FHIT: variants seen among roughly 807,000 people sequenced by gnomAD.
FHIT encodes bis(5'-adenosyl)-triphosphatase.
Under a neutral mutation model 17.9 loss-of-function variants are expected in FHIT, and 19 were observed. That is an observed-to-expected ratio of 1.06 (90% CI 0.74 to 1.56). FHIT has a LOEUF of 1.56. Ranked by LOEUF, FHIT falls within the 40% of genes most tolerant of loss-of-function variation. The probability of loss-of-function intolerance (pLI) is 0.00; values close to 1 mark genes in which losing one functional copy is unlikely to be tolerated. For synonymous variants in FHIT, 81 were observed against 69.7 expected, an observed-to-expected ratio of 1.16 and a Z score of -0.81; for missense variants, 248 against 189.2, an observed-to-expected ratio of 1.31 and a Z score of -1.82.
At chr3:60,845,370 T>G (rs1559766403) in intron 3 of FHIT, among the ~76,000 whole-genome samples, 1 of 151,904 alleles carries the variant, frequency 6.6e-6, no homozygotes, top group Non-Finnish European at 1.5e-5. Context: ...GGCTGCAGAC[T>G]TAATAGAACT....
chr3:60,467,839 C>T (rs1477644452), intron 5 of FHIT, among the ~76,000 whole-genome samples: 6 of 152,064 alleles, frequency 3.9e-5, no homozygotes, highest in Non-Finnish European at 7.4e-5. Flanking sequence ...TTGGTCTGTA[C>T]TGCAGATTAA....
At chr3:59,942,804 T>C (rs1393559193) in intron 7 of FHIT, among the ~76,000 whole-genome samples, 1 of 151,864 alleles carries the variant, frequency 6.6e-6, no homozygotes, top group East Asian at 1.9e-4. Flanking sequence ...ATGCACCACA[T>C]TGGCTAATAT....
intron 3 of FHIT, among the ~76,000 whole-genome samples, chr3:60,928,650 C>T (rs1553770741): frequency 6.6e-6 from 1 of 151,672 alleles, no homozygotes; most frequent in Non-Finnish European, 1.5e-5. Context: ...CATACACCCT[C>T]CCAAGACTAA....
intron 4 of FHIT, among the ~76,000 whole-genome samples, chr3:60,597,870 T>C (rs553986141): frequency 6.6e-6 from 1 of 152,152 alleles, no homozygotes; most frequent in Non-Finnish European, 1.5e-5. Context: ...GAGCCAGGAC[T>C]CTCTGTCTAG....
intron 5 of FHIT, among the ~76,000 whole-genome samples, chr3:60,156,429 G>A (rs773955982): frequency 2.0e-5 from 3 of 151,550 alleles, no homozygotes; most frequent in African/African-American, 4.8e-5. Context: ...GCTTTGCATC[G>A]GAGATACAAT....
chr3:60,238,466 T>C (rs909108769), intron 5 of FHIT, among the ~76,000 whole-genome samples: 10 of 94,662 alleles, frequency 1.1e-4, no homozygotes, highest in Non-Finnish European at 2.2e-4. Context: ...AAAAAAAAAG[T>C]CACAGCACCA....
At chr3:60,424,220 T>A (rs554536586) in intron 5 of FHIT, among the ~76,000 whole-genome samples, 11 of 152,142 alleles carry the variant, frequency 7.2e-5, no homozygotes, top group Non-Finnish European at 1.3e-4. Flanking sequence ...GTTACACAGC[T>A]GTAAGCCAAG....
chr3:60,032,906 C>T (rs1215164700), intron 5 of FHIT, among the ~76,000 whole-genome samples: 2 of 152,044 alleles, frequency 1.3e-5, no homozygotes, highest in Admixed American at 1.3e-4. Flanking sequence ...TGGAGCCCAC[C>T]TTAGAGCTAA....
At chr3:59,833,418 G>A (rs1368511286) in intron 8 of FHIT, among the ~76,000 whole-genome samples, 2 of 152,122 alleles carry the variant, frequency 1.3e-5, no homozygotes, top group Non-Finnish European at 2.9e-5. Context: ...GCAGCTACAA[G>A]CCAAGGAACA....
intron 4 of FHIT, among the ~76,000 whole-genome samples, chr3:60,744,376 T>A (rs1386123014): frequency 6.6e-6 from 1 of 151,792 alleles, no homozygotes; most frequent in African/African-American, 2.4e-5. Flanking sequence ...GCAGATAGCA[T>A]GCAGACAAGT....
At chr3:59,845,270 T>C (rs1423955191) in intron 8 of FHIT, among the ~76,000 whole-genome samples, 1 of 152,096 alleles carries the variant, frequency 6.6e-6, no homozygotes, top group Non-Finnish European at 1.5e-5. Context: ...TGATTTCTAT[T>C]ATTTTTCTGT....
chr3:60,617,314 G>A, intron 4 of FHIT: 1 of 182,662 alleles, frequency 5.5e-6, no homozygotes, highest in Non-Finnish European at 1.2e-5. Flanking sequence ...CCTAAACTTA[G>A]GGATTCTATG....
chr3:60,689,648 G>A (rs1337473048), intron 4 of FHIT, among the ~76,000 whole-genome samples: 1 of 151,996 alleles, frequency 6.6e-6, no homozygotes, highest in Non-Finnish European at 1.5e-5. Flanking sequence ...TCTAATAGTG[G>A]CACCTGGTAT....
intron 3 of FHIT, among the ~76,000 whole-genome samples, chr3:60,867,567 T>C (rs1478982582): frequency 2.0e-5 from 3 of 152,146 alleles, no homozygotes; most frequent in Non-Finnish European, 4.4e-5. Context: ...TTCATCCAGT[T>C]CTCCTTTAGC....
intron 5 of FHIT, among the ~76,000 whole-genome samples, chr3:60,090,861 C>G (rs1173976790): frequency 6.6e-6 from 1 of 152,150 alleles, no homozygotes. Flanking sequence ...TGTCTGAGCT[C>G]TGGGGTCGGG....
rs1320038721 is a variant in FHIT, at chr3:61,014,795, A to AT, written c.-111+27251_-111+27252insA. Among the ~76,000 whole-genome samples the AT allele has an allele frequency of 2.8e-3, 240 of 85,334 alleles. 1 individual carries two copies. Among genetic ancestry groups the AT allele is most frequent in the Non-Finnish European group, 6.0e-3 (204 of 34,094 alleles). 56.0% of individuals were successfully genotyped at this position (85,334 alleles called of 152,430 possible). A position where few individuals can be genotyped will look rare whatever the true frequency, so the allele number is the denominator to read the frequency against. Reference sequence around the variant, plus strand: ...ACTCTGCCTCAAAAAAAAAAAAAAAAAAAAAAAAAAAAATATATATATATA... The same window carrying AT: ...ACTCTGCCTCAAAAAAAAAAAAAAAATAAAAAAAAAAAAATATATATATATA... On this transcript the variant is annotated intron_variant, in intron 3 of 9. Transcript: ENST00000492590.
At chr3:60,641,016 C>T (rs2039711393) in intron 4 of FHIT, among the ~76,000 whole-genome samples, 1 of 151,938 alleles carries the variant, frequency 6.6e-6, no homozygotes. Context: ...CCTGTCTTTA[C>T]CAAAAATACA....
intron 8 of FHIT, among the ~76,000 whole-genome samples, chr3:59,916,666 G>A (rs570540819): frequency 2.2e-3 from 331 of 152,124 alleles, no homozygotes; most frequent in Middle Eastern, 0.01. Context: ...CATAGGATAG[G>A]GTAAACCAGA....
chr3:59,814,590 T>C (rs1367113982), intron 8 of FHIT, among the ~76,000 whole-genome samples: 1 of 152,138 alleles, frequency 6.6e-6, no homozygotes. Flanking sequence ...TAATTAGGAG[T>C]GGAGGACCAA....
Sources: allele counts gnomAD v4.1 joint callset (sites outside exome capture counted in the v4.1 genomes callset), GRCh38; gene constraint gnomAD v4.1.1; transcripts MANE v1.5; gene names NCBI Gene and HGNC (gene_info 2026-07-23, HGNC 2026-07-21).